TOX: variants seen among roughly 807,000 people sequenced by gnomAD.
TOX encodes the protein thymocyte selection-associated high mobility group box protein TOX.
In TOX, 11 loss-of-function variants were observed where a neutral mutation model predicts 53.7. That is an observed-to-expected ratio of 0.20 (90% CI 0.13 to 0.34). The LOEUF (loss-of-function observed/expected upper bound fraction) is 0.34, where lower values mean the gene tolerates loss of function less well. TOX is among the 10% of genes least tolerant of loss of function. The pLI, the probability that TOX is intolerant of heterozygous loss-of-function variation, is 1.00. For missense variants in TOX, 570 were observed against 664.6 expected (o/e 0.86, Z 1.56); for synonymous variants, 225 against 245.3 (o/e 0.92, Z 0.77).
intron 1 of TOX, among the ~76,000 whole-genome samples, chr8:59,063,974 G>A (rs531732287): frequency 6.6e-6 from 1 of 152,052 alleles, no homozygotes; most frequent in South Asian, 2.1e-4. Context: ...CTTCCTCGAG[G>A]ACCAATGTTG....
At chr8:59,114,918 T>C (rs1805076674) in intron 1 of TOX, among the ~76,000 whole-genome samples, 1 of 152,194 alleles carries the variant, frequency 6.6e-6, no homozygotes, top group African/African-American at 2.4e-5. Flanking sequence ...TTAAAAGTTA[T>C]CAAATGTCTA....
intron 1 of TOX, among the ~76,000 whole-genome samples, chr8:58,994,876 T>G (rs901329376): frequency 6.6e-6 from 1 of 152,166 alleles, no homozygotes; most frequent in African/African-American, 2.4e-5. Context: ...GGCACCCTAT[T>G]AGCTTTCTGT....
chr8:59,050,769 T>C (rs970776023), intron 1 of TOX, among the ~76,000 whole-genome samples: 1 of 152,168 alleles, frequency 6.6e-6, no homozygotes, highest in African/African-American at 2.4e-5. Flanking sequence ...AATCTCATTT[T>C]GACAGAACTG....
chr8:58,835,824 C>A (rs1467466761), intron 5 of TOX, among the ~76,000 whole-genome samples: 3 of 152,098 alleles, frequency 2.0e-5, no homozygotes, highest in East Asian at 3.9e-4. Context: ...AGTGGCAGAG[C>A]AGGCGATTGA....
intron 1 of TOX, among the ~76,000 whole-genome samples, chr8:59,110,640 T>C (rs1804999274): frequency 6.6e-6 from 1 of 152,028 alleles, no homozygotes; most frequent in South Asian, 2.1e-4. Flanking sequence ...TTCTCCACTT[T>C]TATCTTCTTA....
In TOX at chr8:58,819,875, C is replaced by A. The variant is rs1350493693; in HGVS notation, c.1006-4151G>T. Among the ~76,000 whole-genome samples the A allele has an allele frequency of 2.6e-5, 4 of 152,322 alleles. No individual in the cohort carries two copies. The South Asian group carries it at 6.2e-4, about 24-fold the overall frequency. ...ATTTGATTCTTGTTTTCAGCACTGA[C>A]CGATACTTAATGCATTGAAAATTAA... On this transcript the variant is annotated intron_variant, in intron 6 of 8. Coordinates refer to ENST00000361421, the MANE Select transcript of TOX (RefSeq NM_014729.3).
Position 58,907,933 on chromosome 8 carries a change from C to T in TOX, c.411+31369G>A, listed in dbSNP as rs576275764. On this transcript the variant is annotated intron_variant, in intron 3 of 8. Transcript: ENST00000361421. ...ATATAGAAAGATCCAAACTTTTTTCCGTCAACTTTTATCTTAAGTTTCGGT... is the reference window on the plus strand; with the variant it reads ...ATATAGAAAGATCCAAACTTTTTTCTGTCAACTTTTATCTTAAGTTTCGGT... Among the ~76,000 whole-genome samples the T allele has an allele frequency of 4.6e-5, 7 of 152,136 alleles. No individual in the cohort carries two copies. In the South Asian group the frequency reaches 1.2e-3, roughly 27 times the overall value.
intron 2 of TOX, among the ~76,000 whole-genome samples, chr8:58,954,456 G>A (rs1042235740): frequency 6.6e-6 from 1 of 152,172 alleles, no homozygotes; most frequent in Non-Finnish European, 1.5e-5. Context: ...AGGCACAGGA[G>A]AGCCAGACAG....
intron 1 of TOX, among the ~76,000 whole-genome samples, chr8:59,106,916 C>T (rs906653536): frequency 6.6e-6 from 1 of 151,922 alleles, no homozygotes; most frequent in East Asian, 1.9e-4. Flanking sequence ...TTTTGTATGG[C>T]AAGCTATGTG....
Position 58,814,704 on chromosome 8 carries a change from G to C in TOX, c.1392+634C>G, listed in dbSNP as rs561733480. Among the ~76,000 whole-genome samples, 3 of 152,280 alleles carry C rather than the reference G, an allele frequency of 2.0e-5. No individual in the cohort carries two copies. In the East Asian group the frequency reaches 5.8e-4, roughly 29 times the overall value. On this transcript the variant is annotated intron_variant, in intron 7 of 8. Transcript: ENST00000361421. ...ATATTTGATTTCAAAGAAAAGTTAA[G>C]CTAAAATTGCACACAAATGGTTTCA...
At chr8:58,820,459 T>C (rs1290501291) in intron 6 of TOX, among the ~76,000 whole-genome samples, 1 of 152,226 alleles carries the variant, frequency 6.6e-6, no homozygotes, top group African/African-American at 2.4e-5. Flanking sequence ...TTGGCAATCC[T>C]GAGAAGTTGT....
rs1810005086 is a variant in TOX at position 58,807,793 on chromosome 8, G to A, written c.1545-10C>T. ...GTCCCTCTGCATGCCCCTGTAGGAAGAGAAAAAAGACAGTTCCTTGTTACA... is the reference window on the plus strand; with the variant it reads ...GTCCCTCTGCATGCCCCTGTAGGAAAAGAAAAAAGACAGTTCCTTGTTACA... On this transcript the variant is annotated splice_polypyrimidine_tract_variant and intron_variant, in intron 8 of 8. Coordinates refer to ENST00000361421, the MANE Select transcript of TOX (RefSeq NM_014729.3). The A allele has an allele frequency of 6.2e-7, 1 of 1,613,930 alleles. No homozygotes were observed. The highest frequency in any genetic ancestry group is 8.5e-7 in the Non-Finnish European group (1 of 1,179,952).
intron 1 of TOX, among the ~76,000 whole-genome samples, chr8:58,999,634 C>A (rs1301303016): frequency 6.6e-6 from 1 of 152,090 alleles, no homozygotes; most frequent in Non-Finnish European, 1.5e-5. Flanking sequence ...GTACAGAAGA[C>A]AGATCCTTTC....
At chr8:58,946,458 T>C (rs1812523395) in intron 2 of TOX, among the ~76,000 whole-genome samples, 2 of 152,202 alleles carry the variant, frequency 1.3e-5, no homozygotes, top group Admixed American at 1.3e-4. Flanking sequence ...CTTGGGACTA[T>C]AATGTATTAC....
rs139413672 is a variant in TOX, at chr8:58,975,196, A to G, written c.103-15188T>C. Among the ~76,000 whole-genome samples, 67 of 151,874 alleles carry G rather than the reference A, an allele frequency of 4.4e-4. No homozygotes were observed. The East Asian group carries it at 0.012, about 28-fold the overall frequency. Reference sequence around the variant, plus strand: ...AATGTATATGTATATATGTGTGTGTATATAGATAATAAGTGTGTATATGTA... The same window carrying G: ...AATGTATATGTATATATGTGTGTGTGTATAGATAATAAGTGTGTATATGTA... On this transcript the variant is annotated intron_variant, in intron 1 of 8. Transcript: ENST00000361421.
rs1228098162 is a variant in TOX at position 58,851,162 on chromosome 8, C to CTCTCTG, written c.693+361_693+362insCAGAGA. Among the ~76,000 whole-genome samples the CTCTCTG allele has an allele frequency of 1.5e-5, 2 of 131,826 alleles. No homozygotes were observed. Among genetic ancestry groups the CTCTCTG allele is most frequent in the Admixed American group, 7.4e-5 (1 of 13,576 alleles). 86.5% of individuals were successfully genotyped at this position (131,826 alleles called of 152,430 possible). On this transcript the variant is annotated intron_variant, in intron 4 of 8. Transcript: ENST00000361421. The surrounding 1 kb of genome is among the most constrained non-coding windows in gnomAD (Gnocchi z 4.4). ...ATACATCTCCTCTCTCTCTCTGTCT[C>CTCTCTG]TCTCTCTCTCTCTCTCTCTCTCTCA...
At chr8:58,873,958 C>CTTTTTTTTTGTTTTTTTTTTTTTTTTTTT (rs1811240193) in intron 3 of TOX, among the ~76,000 whole-genome samples, 1 of 40,128 alleles carries the variant, frequency 2.5e-5, no homozygotes. Flanking sequence ...TGCCAGGAAG[C>CTTTTTTTTTGTTTTTTTTTTTTTTTTTTT]TTTTTTTTTT....
chr8:59,103,975 T>C (rs946483719), intron 1 of TOX, among the ~76,000 whole-genome samples: 2 of 152,234 alleles, frequency 1.3e-5, no homozygotes, highest in African/African-American at 2.4e-5. Context: ...TACAACTTCA[T>C]ATGTGCTTTA....
At position 58,815,226 on chromosome 8, in the gene TOX, G is replaced by C. The variant is rs576422501; in HGVS notation, c.1392+112C>G. 5.1e-5 allele frequency: 70 copies of C among 1,368,582 alleles called. No individual in the cohort carries two copies. The South Asian group carries it at 1.2e-3, about 23-fold the overall frequency. 84.8% of individuals were successfully genotyped at this position (1,368,582 alleles called of 1,614,324 possible). A position where few individuals can be genotyped will look rare whatever the true frequency, so the allele number is the denominator to read the frequency against. ...TAGTGCTCTCTTGACTTAAATAGAA[G>C]GATAGAAAACACATATCCCCAATCC... On this transcript the variant is annotated intron_variant, in intron 7 of 8. Coordinates refer to ENST00000361421, the MANE Select transcript of TOX (RefSeq NM_014729.3).
Sources: allele counts gnomAD v4.1 joint callset (sites outside exome capture counted in the v4.1 genomes callset), GRCh38; gene constraint gnomAD v4.1.1; non-coding constraint Gnocchi (gnomAD v3.1); transcripts MANE v1.5; gene names NCBI Gene and HGNC (gene_info 2026-07-23, HGNC 2026-07-21).